Variants in CAMK1D observed in about 807,000 individuals in gnomAD.
CAMK1D encodes calcium/calmodulin-dependent protein kinase type 1D.
A neutral mutation model predicts 47.7 loss-of-function variants in CAMK1D; 9 were observed. The observed-to-expected ratio is 0.19, with a 90% confidence interval of 0.11 to 0.33. The LOEUF (loss-of-function observed/expected upper bound fraction) is 0.33. Ranked by LOEUF, CAMK1D falls within the 10% of genes least tolerant of loss-of-function variation. CAMK1D has a pLI of 1.00. For synonymous variants in CAMK1D, 184 were observed against 184.9 expected, an observed-to-expected ratio of 0.99 and a Z score of 0.04; for missense variants, 291 against 488.7, an observed-to-expected ratio of 0.60 and a Z score of 3.81.
chr10:12,798,994 T>G (rs951277513), intron 6 of CAMK1D, among the ~76,000 whole-genome samples: 1 of 151,956 alleles, frequency 6.6e-6, no homozygotes, highest in Non-Finnish European at 1.5e-5. Context: ...AGCTCCACGG[T>G]GGGTGGCACA....
chr10:12,828,660 G>GGCC (rs140735308), intron 10 of CAMK1D, 109 bp from the exon 11 acceptor site: 2 of 631,570 alleles, frequency 3.2e-6, no homozygotes, highest in Non-Finnish European at 2.7e-6. Context: ...AAAAAATTGG[G>GGCC]CCCCCCCGCC....
intron 2 of CAMK1D, among the ~76,000 whole-genome samples, chr10:12,640,292 T>G (rs1252259149): frequency 2.1e-5 from 3 of 144,602 alleles, no homozygotes; most frequent in African/African-American, 7.7e-5. Flanking sequence ...TCAGAAGGAG[T>G]GGGGAGAAGG....
chr10:12,734,469 T>C (rs370584313), intron 3 of CAMK1D, among the ~76,000 whole-genome samples: 5 of 3,646 alleles, frequency 1.4e-3, no homozygotes, highest in Non-Finnish European at 0.062. Flanking sequence ...CACATACACA[T>C]ATGTGTATAT....
intron 3 of CAMK1D, among the ~76,000 whole-genome samples, chr10:12,691,373 A>T (rs868687306): frequency 1.3e-3 from 9 of 6,906 alleles, no homozygotes; most frequent in Middle Eastern, 0.045. Flanking sequence ...ATATATATAT[A>T]TATAAATATA....
intron 1 of CAMK1D, among the ~76,000 whole-genome samples, chr10:12,419,210 C>T (rs1193416511): frequency 1.3e-5 from 2 of 151,850 alleles, no homozygotes; most frequent in African/African-American, 4.8e-5. Flanking sequence ...ACTCAACAGC[C>T]ATGATCTCAT....
intron 3 of CAMK1D, among the ~76,000 whole-genome samples, chr10:12,691,202 G>A (rs1832863869): frequency 6.6e-6 from 1 of 151,612 alleles, no homozygotes; most frequent in Non-Finnish European, 1.5e-5. Flanking sequence ...GCTGGGGTGG[G>A]TGAGCTTTCT....
chr10:12,447,321 A>G (rs913121854), intron 1 of CAMK1D, among the ~76,000 whole-genome samples: 1 of 152,188 alleles, frequency 6.6e-6, no homozygotes, highest in Admixed American at 6.5e-5. Context: ...TAAAGGGAAT[A>G]ACTGGTAACT....
chr10:12,533,279 T>C (rs999689996), intron 1 of CAMK1D, among the ~76,000 whole-genome samples: 2 of 152,152 alleles, frequency 1.3e-5, no homozygotes, highest in African/African-American at 2.4e-5. Context: ...TTATTGGCAG[T>C]GGTTGGTGTT....
intron 1 of CAMK1D, among the ~76,000 whole-genome samples, chr10:12,452,625 G>A (rs755708611): frequency 2.2e-4 from 34 of 151,324 alleles, no homozygotes; most frequent in South Asian, 1.7e-3. Context: ...TCACTCTGTC[G>A]CCCAGGCTGG....
chr10:12,813,211 C>T (rs563851163), intron 6 of CAMK1D, among the ~76,000 whole-genome samples: 117 of 152,272 alleles, frequency 7.7e-4, no homozygotes, highest in African/African-American at 2.6e-3. Flanking sequence ...AGGCTTACAA[C>T]GTCTGTCAGC....
At chr10:12,718,385 T>A (rs1018710295) in intron 3 of CAMK1D, among the ~76,000 whole-genome samples, 1 of 152,222 alleles carries the variant, frequency 6.6e-6, no homozygotes, top group African/African-American at 2.4e-5. Context: ...TTATACAGCA[T>A]AAGAAAGTTT....
Position 12,753,142 on chromosome 10 carries a change from C to T in CAMK1D, c.300-7806C>T, listed in dbSNP as rs529389543. On this transcript the variant is annotated intron_variant, in intron 3 of 10. Transcript: ENST00000619168. ...TGGCGTGTGCCTGTAGTCCCAGATA[C>T]TCGGGAGACTGAGGCAGGAGAATCA... Among the ~76,000 whole-genome samples the T allele has an allele frequency of 3.3e-5, 5 of 152,184 alleles. No homozygotes were observed. In the East Asian group the frequency reaches 9.7e-4, roughly 29 times the overall value.
At chr10:12,445,175 C>T (rs142390355) in intron 1 of CAMK1D, among the ~76,000 whole-genome samples, 381 of 152,282 alleles carry the variant, frequency 2.5e-3, no homozygotes, top group Non-Finnish European at 4.5e-3. Flanking sequence ...CAGTCGTGCC[C>T]GAATTCCAAA....
At chr10:12,485,419 G>A (rs531347329) in intron 1 of CAMK1D, among the ~76,000 whole-genome samples, 1 of 152,276 alleles carries the variant, frequency 6.6e-6, no homozygotes, top group East Asian at 1.9e-4. Flanking sequence ...CAGCACAATG[G>A]TGGTGAAGCT....
intron 1 of CAMK1D, among the ~76,000 whole-genome samples, chr10:12,433,230 C>T (rs1176415180): frequency 6.6e-6 from 1 of 152,188 alleles, no homozygotes; most frequent in Non-Finnish European, 1.5e-5. Flanking sequence ...CTTTCCCAGT[C>T]CAGCTGCTTT....
chr10:12,456,759 T>G, intron 1 of CAMK1D: 1 of 102,324 alleles, frequency 9.8e-6, no homozygotes. Flanking sequence ...AGAGTGAGAC[T>G]CTGTCTCAAA....
intron 1 of CAMK1D, among the ~76,000 whole-genome samples, chr10:12,436,462 A>T (rs1401659757): frequency 6.6e-6 from 1 of 152,180 alleles, no homozygotes; most frequent in East Asian, 1.9e-4. Flanking sequence ...ATTATTCTGG[A>T]TTTTATTGAG....
chr10:12,456,807 C>T (rs1833261520), intron 1 of CAMK1D, among the ~76,000 whole-genome samples: 1 of 144,902 alleles, frequency 6.9e-6, no homozygotes, highest in African/African-American at 2.5e-5. Flanking sequence ...CTTTTTATAG[C>T]ACCTAACAGT....
At chr10:12,763,112 C>T (rs1346172750) in intron 4 of CAMK1D, among the ~76,000 whole-genome samples, 2 of 152,182 alleles carry the variant, frequency 1.3e-5, no homozygotes, top group Non-Finnish European at 2.9e-5. Context: ...TTTGCAGCTT[C>T]CATCCTGTGG....
Sources: gnomAD v4.1 joint callset for allele counts (sites outside exome capture counted in the v4.1 genomes callset) on GRCh38, gnomAD v4.1.1 for gene constraint, MANE v1.5 for transcripts, NCBI Gene and HGNC (gene_info 2026-07-23, HGNC 2026-07-21) for gene names.